NXPH1: variants seen among roughly 807,000 people sequenced by gnomAD.
NXPH1 encodes the protein neurexophilin-1.
Under a neutral mutation model 23.7 loss-of-function variants are expected in NXPH1, and 5 were observed. The observed-to-expected ratio is 0.21, with a 90% CI of 0.11 to 0.44. The LOEUF (loss-of-function observed/expected upper bound fraction) is 0.44, where lower values mean the gene tolerates loss of function less well. Among genes scored for constraint, NXPH1 ranks in the 20% least tolerant of loss-of-function variants. The pLI is 0.99. For synonymous variants in NXPH1, 144 were observed against 122.2 expected (o/e 1.18, Z -1.18); for missense variants, 324 against 321.6 (o/e 1.01, Z -0.06).
chr7:8,745,323 G>C (rs548028090), intron 2 of NXPH1, among the ~76,000 whole-genome samples: 1 of 148,874 alleles, frequency 6.7e-6, no homozygotes, highest in Non-Finnish European at 1.5e-5. Context: ...TCACATACTT[G>C]TTTTTTGTGT....
At chr7:8,498,840 T>G (rs1241544494) in intron 2 of NXPH1, among the ~76,000 whole-genome samples, 2 of 152,064 alleles carry the variant, frequency 1.3e-5, no homozygotes, top group Admixed American at 6.6e-5. Context: ...AAGGGAAATG[T>G]GATGTCAGTC....
At chr7:8,457,419 G>C (rs1816615469) in intron 2 of NXPH1, among the ~76,000 whole-genome samples, 1 of 152,156 alleles carries the variant, frequency 6.6e-6, no homozygotes, top group African/African-American at 2.4e-5. Context: ...CAAAGAATCA[G>C]GGTGCCTGTG....
intron 2 of NXPH1, among the ~76,000 whole-genome samples, chr7:8,444,547 C>G (rs546620653): frequency 6.6e-5 from 10 of 152,376 alleles, no homozygotes; most frequent in South Asian, 6.2e-4. Context: ...GTCTTTTTCA[C>G]ACTCAGAAGT....
At chr7:8,681,781 C>T (rs1821053393) in intron 2 of NXPH1, among the ~76,000 whole-genome samples, 1 of 152,198 alleles carries the variant, frequency 6.6e-6, no homozygotes, top group African/African-American at 2.4e-5. Context: ...TGTCAGGCTG[C>T]ATCTGAGATG....
intron 2 of NXPH1, among the ~76,000 whole-genome samples, chr7:8,739,333 A>G (rs1780321871): frequency 1.3e-5 from 2 of 152,042 alleles, no homozygotes; most frequent in African/African-American, 2.4e-5. Context: ...GGAAAAGTGT[A>G]GTATCTGGGC....
At chr7:8,605,162 T>G (rs1341244740) in intron 2 of NXPH1, among the ~76,000 whole-genome samples, 1 of 152,154 alleles carries the variant, frequency 6.6e-6, no homozygotes, top group Non-Finnish European at 1.5e-5. Context: ...TGCCTTATAT[T>G]TGATGTGTGG....
At chr7:8,721,058 A>G (rs551879194) in intron 2 of NXPH1, among the ~76,000 whole-genome samples, 65 of 152,358 alleles carry the variant, frequency 4.3e-4, no homozygotes, top group Non-Finnish European at 1.8e-4. Context: ...TGCCATTAGA[A>G]TAATGGCAAT....
chr7:8,566,086 CT>C lies in NXPH1; in HGVS notation c.54+130321del, dbSNP rs142070157. On this transcript the variant is annotated intron_variant, in intron 2 of 2. Coordinates refer to ENST00000405863, the MANE Select transcript of NXPH1 (RefSeq NM_152745.3). ...TGTCAAGAGAATCCAGTTGTTATTG[CT>C]TCCTTCTTATCCACTTTGCTTACCA... 7.5e-3 allele frequency among the ~76,000 whole-genome samples: 1,134 copies of C among 151,896 alleles called. 13 individuals carry two copies. The highest frequency in any genetic ancestry group is 0.026 in the African/African-American group (1,075 of 41,492).
At chr7:8,739,102 C>G (rs1780314367) in intron 2 of NXPH1, among the ~76,000 whole-genome samples, 1 of 148,158 alleles carries the variant, frequency 6.7e-6, no homozygotes, top group African/African-American at 2.5e-5. Flanking sequence ...CACTTGGCTC[C>G]CTGGTTTCAT....
intron 2 of NXPH1, among the ~76,000 whole-genome samples, chr7:8,448,818 GAA>G (rs34098217): frequency 0.39 from 41,374 of 105,632 alleles, 7,884 homozygotes; most frequent in East Asian, 0.66. Flanking sequence ...TCGTCTCGGG[GAA>G]AAAAAAAAAA....
At chr7:8,533,441 C>T (rs918437438) in intron 2 of NXPH1, among the ~76,000 whole-genome samples, 2 of 152,020 alleles carry the variant, frequency 1.3e-5, no homozygotes, top group South Asian at 2.1e-4. Context: ...GTCTCCCTCC[C>T]CTATAAAGAT....
rs990361882 is a variant in NXPH1, at chr7:8,442,573, G to A, written c.54+6806G>A. ...TGACTTTAAAAGGCCATTTTCCTTCGTCTTCTACAAGAAGCAAGAAACTTT... is the reference window on the plus strand; with the variant it reads ...TGACTTTAAAAGGCCATTTTCCTTCATCTTCTACAAGAAGCAAGAAACTTT... On this transcript the variant is annotated intron_variant, in intron 2 of 2. Transcript: ENST00000405863. The surrounding 1 kb of genome is among the most constrained non-coding windows in gnomAD (Gnocchi z 4.6). Among the ~76,000 whole-genome samples the A allele has an allele frequency of 3.5e-4, 54 of 152,328 alleles. No homozygotes were observed. Among genetic ancestry groups the A allele is most frequent in the African/African-American group, 1.3e-3 (53 of 41,574 alleles).
rs191292607 is a variant in NXPH1 at position 8,614,470 on chromosome 7, A to G, written c.55-136538A>G. Among the ~76,000 whole-genome samples, 597 of 152,018 alleles carry G rather than the reference A, an allele frequency of 3.9e-3. 6 individuals are homozygous for G. The highest frequency in any genetic ancestry group is 0.014 in the African/African-American group (565 of 41,538). On this transcript the variant is annotated intron_variant, in intron 2 of 2. Transcript: ENST00000405863. Reference sequence around the variant, plus strand: ...TATATGTAGATATATGTATATGTCTATAGATTTTATGCATATGTCTATAGA... The same window carrying G: ...TATATGTAGATATATGTATATGTCTGTAGATTTTATGCATATGTCTATAGA...
At chr7:8,748,938 G>A (rs1399803902) in intron 2 of NXPH1, among the ~76,000 whole-genome samples, 2 of 152,146 alleles carry the variant, frequency 1.3e-5, no homozygotes, top group East Asian at 1.9e-4. Context: ...ATTTGAACAG[G>A]CAAATAGGAG....
intron 2 of NXPH1, among the ~76,000 whole-genome samples, chr7:8,711,363 T>G (rs1779792623): frequency 1.3e-5 from 2 of 152,300 alleles, no homozygotes; most frequent in Admixed American, 6.5e-5. Context: ...AATAGTATAT[T>G]TTTTTCATGA....
chr7:8,445,053 C>T (rs904067007), intron 2 of NXPH1, among the ~76,000 whole-genome samples: 1 of 152,186 alleles, frequency 6.6e-6, no homozygotes, highest in African/African-American at 2.4e-5. Context: ...TTTTTAGAGG[C>T]TTTGTAATTA....
intron 2 of NXPH1, among the ~76,000 whole-genome samples, chr7:8,749,973 A>G (rs1780536230): frequency 6.6e-6 from 1 of 152,328 alleles, no homozygotes; most frequent in South Asian, 2.1e-4. Flanking sequence ...TTCCTAAGAA[A>G]TAATTTTGCG....
chr7:8,567,985 G>A (rs1011125198), intron 2 of NXPH1, among the ~76,000 whole-genome samples: 4 of 151,976 alleles, frequency 2.6e-5, no homozygotes, highest in Non-Finnish European at 4.4e-5. Flanking sequence ...CCGAATACAG[G>A]TAATCTGTGT....
At chr7:8,688,430 G>A (rs1395612287) in intron 2 of NXPH1, among the ~76,000 whole-genome samples, 1 of 151,950 alleles carries the variant, frequency 6.6e-6, no homozygotes, top group African/African-American at 2.4e-5. Flanking sequence ...TTCTGTTACT[G>A]TAATATATTA....
Sources: allele counts gnomAD v4.1 joint callset (sites outside exome capture counted in the v4.1 genomes callset), GRCh38; gene constraint gnomAD v4.1.1; non-coding constraint Gnocchi (gnomAD v3.1); transcripts MANE v1.5; gene names NCBI Gene and HGNC (gene_info 2026-07-23, HGNC 2026-07-21).